Variants in PCDH15 observed in about 807,000 individuals in gnomAD.
PCDH15 encodes the protein protocadherin-15.
In PCDH15, 129 loss-of-function variants were observed where a neutral mutation model predicts 178.5. The observed-to-expected ratio is 0.72, with a 90% CI of 0.63 to 0.84. The LOEUF (loss-of-function observed/expected upper bound fraction) is 0.84, where lower values mean the gene tolerates loss of function less well. Among genes scored for constraint, PCDH15 ranks in the 40% least tolerant of loss-of-function variants. PCDH15 has a pLI of 0.00. For synonymous variants in PCDH15, 800 were observed against 732.0 expected (o/e 1.09, Z -1.50); for missense variants, 2,230 against 2,099.9 (o/e 1.06, Z -1.21).
At chr10:54,894,803 G>A (rs1954520086) in intron 3 of PCDH15, among the ~76,000 whole-genome samples, 1 of 152,012 alleles carries the variant, frequency 6.6e-6, no homozygotes, top group East Asian at 1.9e-4. Context: ...ATGTCCTTTG[G>A]GCCTGTATAT....
chr10:54,813,223 C>T (rs1184318073), intron 3 of PCDH15, among the ~76,000 whole-genome samples: 1 of 152,118 alleles, frequency 6.6e-6, no homozygotes, highest in Non-Finnish European at 1.5e-5. Context: ...TTTCTCAATA[C>T]ATTCAACCTT....
At chr10:55,419,967 C>T (rs568548074) in intron 2 of PCDH15, among the ~76,000 whole-genome samples, 48 of 151,506 alleles carry the variant, frequency 3.2e-4, no homozygotes, top group Non-Finnish European at 5.9e-4. Flanking sequence ...GGCTCATTAG[C>T]GAAAATTAAT....
chr10:54,935,225 T>TATA (rs950771876), intron 2 of PCDH15, among the ~76,000 whole-genome samples: 7 of 151,984 alleles, frequency 4.6e-5, no homozygotes, highest in African/African-American at 1.4e-4. Context: ...AAACTTAAAG[T>TATA]ATAATAATAA....
At chr10:54,216,308 T>C (rs913984269) in intron 9 of PCDH15, among the ~76,000 whole-genome samples, 1 of 151,178 alleles carries the variant, frequency 6.6e-6, no homozygotes, top group Non-Finnish European at 1.5e-5. Flanking sequence ...ATACAAAAAT[T>C]AGCTGGGCGT....
chr10:53,973,855 A>ATT (rs1394123489), intron 21 of PCDH15, among the ~76,000 whole-genome samples: 1 of 152,228 alleles, frequency 6.6e-6, no homozygotes. Flanking sequence ...TTGGTAAAGT[A>ATT]ACATAGTCTC....
chr10:53,847,211 G>T (rs1366353502), intron 28 of PCDH15, among the ~76,000 whole-genome samples: 1 of 151,944 alleles, frequency 6.6e-6, no homozygotes, highest in Admixed American at 6.6e-5. Flanking sequence ...CATAAATGTT[G>T]GCTACCTGTT....
intron 8 of PCDH15, among the ~76,000 whole-genome samples, chr10:54,292,815 A>G (rs988806393): frequency 6.6e-6 from 1 of 151,806 alleles, no homozygotes; most frequent in Non-Finnish European, 1.5e-5. Flanking sequence ...ATGATATAAA[A>G]GACACAAAAA....
intron 2 of PCDH15, among the ~76,000 whole-genome samples, chr10:55,403,778 T>C (rs539116758): frequency 6.6e-6 from 1 of 152,058 alleles, no homozygotes; most frequent in Non-Finnish European, 1.5e-5. Flanking sequence ...CTGTTCTTTT[T>C]GCTCAGTATT....
intron 21 of PCDH15, among the ~76,000 whole-genome samples, chr10:53,968,703 T>A (rs2089323685): frequency 6.6e-6 from 1 of 152,200 alleles, no homozygotes; most frequent in Admixed American, 6.5e-5. Context: ...CAATGTTTGC[T>A]GTTCTGCAGC....
intron 3 of PCDH15, among the ~76,000 whole-genome samples, chr10:54,421,910 C>T (rs1224756584): frequency 1.9e-5 from 2 of 107,440 alleles, no homozygotes; most frequent in African/African-American, 4.1e-5. Context: ...TATATATATA[C>T]ACTATATATA....
At chr10:53,984,148 C>CTTTTTTTTTTTTTTTTTTTTTTTTTTTTT (rs66540462) in intron 21 of PCDH15, among the ~76,000 whole-genome samples, 12 of 63,556 alleles carry the variant, frequency 1.9e-4, no homozygotes, top group South Asian at 5.2e-4. Context: ...TTTTTCTTTT[C>CTTTTTTTTTTTTTTTTTTTTTTTTTTTTT]TTTTTTTTTT....
intron 2 of PCDH15, among the ~76,000 whole-genome samples, chr10:55,474,434 A>G (rs1840023944): frequency 6.6e-6 from 1 of 152,232 alleles, no homozygotes; most frequent in East Asian, 1.9e-4. Context: ...TTTCTGAAGT[A>G]TGTATATTTG....
chr10:54,209,893 T>C (rs1333627627), intron 10 of PCDH15, among the ~76,000 whole-genome samples: 1 of 152,126 alleles, frequency 6.6e-6, no homozygotes, highest in African/African-American at 2.4e-5. Flanking sequence ...ATGACATTAG[T>C]GATTCATGTA....
chr10:54,740,586 T>C (rs1020422496), intron 1 of PCDH15, among the ~76,000 whole-genome samples: 6 of 151,916 alleles, frequency 3.9e-5, no homozygotes, highest in Non-Finnish European at 8.8e-5. Flanking sequence ...GTGTTAATTG[T>C]ACTACTATTC....
chr10:55,428,562 A>G (rs572001471), intron 2 of PCDH15, among the ~76,000 whole-genome samples: 2 of 151,336 alleles, frequency 1.3e-5, no homozygotes, highest in East Asian at 1.9e-4. Context: ...CTCTATATCT[A>G]TAATTATCTA....
chr10:55,144,946 C>G (rs1038420699), intron 2 of PCDH15, among the ~76,000 whole-genome samples: 42 of 151,752 alleles, frequency 2.8e-4, no homozygotes, highest in Non-Finnish European at 4.7e-4. Context: ...AAAATTACAG[C>G]CATTCTTAAT....
intron 1 of PCDH15, among the ~76,000 whole-genome samples, chr10:54,748,132 A>AT (rs1945723973): frequency 6.6e-6 from 1 of 152,086 alleles, no homozygotes; most frequent in African/African-American, 2.4e-5. Flanking sequence ...CTTATTTGAG[A>AT]TATGGAGTTG....
intron 2 of PCDH15, among the ~76,000 whole-genome samples, chr10:55,442,965 A>G (rs1403779475): frequency 2.0e-5 from 3 of 152,134 alleles, no homozygotes; most frequent in Admixed American, 1.3e-4. Flanking sequence ...AATCTAGGAT[A>G]AATAGAGAAT....
At chr10:54,722,444 TCC>T (rs1941777437) in intron 1 of PCDH15, among the ~76,000 whole-genome samples, 1 of 151,808 alleles carries the variant, frequency 6.6e-6, no homozygotes, top group African/African-American at 2.4e-5. Context: ...ATTCTGTTTA[TCC>T]ACTCAAATAA....
Sources: gnomAD v4.1 joint callset for allele counts (sites outside exome capture counted in the v4.1 genomes callset) on GRCh38, gnomAD v4.1.1 for gene constraint, MANE v1.5 for transcripts, NCBI Gene and HGNC (gene_info 2026-07-23, HGNC 2026-07-21) for gene names.